The following NRXN1 variants were observed in gnomAD, a reference collection of about 807,000 sequenced individuals.
The protein encoded by NRXN1 is neurexin-1.
Under a neutral mutation model 150.9 loss-of-function variants are expected in NRXN1, and 39 were observed. The ratio of observed to expected loss-of-function variants is 0.26; its 90% CI spans 0.20 to 0.34. The LOEUF (loss-of-function observed/expected upper bound fraction) is 0.34. Ranked by LOEUF, NRXN1 falls within the 10% of genes least tolerant of loss-of-function variation. The probability of loss-of-function intolerance (pLI) is 1.00; values close to 1 mark genes in which losing one functional copy is unlikely to be tolerated. For synonymous variants in NRXN1, 924 were observed against 757.0 expected, an observed-to-expected ratio of 1.22 and a Z score of -3.62; for missense variants, 1,815 against 1,949.9, an observed-to-expected ratio of 0.93 and a Z score of 1.30.
At chr2:50,722,753 C>T (rs1337163568) in intron 5 of NRXN1, among the ~76,000 whole-genome samples, 1 of 152,096 alleles carries the variant, frequency 6.6e-6, no homozygotes, top group African/African-American at 2.4e-5. Flanking sequence ...TTAACAACAA[C>T]AAAAATCAAT....
At chr2:49,980,309 G>A (rs1364906781) in intron 21 of NRXN1, among the ~76,000 whole-genome samples, 1 of 152,130 alleles carries the variant, frequency 6.6e-6, no homozygotes, top group Non-Finnish European at 1.5e-5. Context: ...CCAAGAGTCT[G>A]CATTGTTAAC....
At chr2:50,819,246 C>G (rs999592637) in intron 5 of NRXN1, among the ~76,000 whole-genome samples, 1 of 152,148 alleles carries the variant, frequency 6.6e-6, no homozygotes, top group Non-Finnish European at 1.5e-5. Flanking sequence ...TTCGTTGCAG[C>G]ATTACTCGCA....
intron 17 of NRXN1, among the ~76,000 whole-genome samples, chr2:50,367,411 G>T (rs549378041): frequency 6.6e-6 from 1 of 152,098 alleles, no homozygotes; most frequent in East Asian, 1.9e-4. Context: ...ATGTGAGTAA[G>T]TGCAGCCTGC....
intron 5 of NRXN1, among the ~76,000 whole-genome samples, chr2:50,868,146 TA>T (rs1559371552): frequency 1.7e-3 from 15 of 8,870 alleles, no homozygotes; most frequent in African/African-American, 5.3e-3. Context: ...AAATATTATA[TA>T]TATATATATA....
intron 5 of NRXN1, among the ~76,000 whole-genome samples, chr2:50,877,365 A>G (rs1048435941): frequency 6.6e-6 from 1 of 151,948 alleles, no homozygotes; most frequent in African/African-American, 2.4e-5. Context: ...ATTCTAAGGT[A>G]GAAAAGATGG....
At chr2:50,600,987 G>A (rs1468878759) in intron 8 of NRXN1, among the ~76,000 whole-genome samples, 1 of 151,964 alleles carries the variant, frequency 6.6e-6, no homozygotes, top group African/African-American at 2.4e-5. Flanking sequence ...TGTTGTAGAT[G>A]CTTCTACCAA....
At chr2:50,708,566 ATTG>A (rs1694745317) in intron 5 of NRXN1, among the ~76,000 whole-genome samples, 1 of 152,156 alleles carries the variant, frequency 6.6e-6, no homozygotes, top group African/African-American at 2.4e-5. Context: ...TTGACCTTGA[ATTG>A]TTGTCCTCAA....
chr2:50,665,188 T>C (rs1407175736), intron 5 of NRXN1, among the ~76,000 whole-genome samples: 2 of 151,986 alleles, frequency 1.3e-5, no homozygotes, highest in Admixed American at 6.6e-5. Flanking sequence ...GCTAATTCCA[T>C]GTACTAGATT....
chr2:50,171,413 C>T (rs1411040264), intron 18 of NRXN1, among the ~76,000 whole-genome samples: 1 of 145,772 alleles, frequency 6.9e-6, no homozygotes, highest in Non-Finnish European at 1.5e-5. Flanking sequence ...CCTCTCAATT[C>T]ATTTTTAGGC....
Position 49,942,704 on chromosome 2 carries a change from G to A in NRXN1, c.4216+1000C>T, listed in dbSNP as rs1672215063. Among the ~76,000 whole-genome samples the A allele has an allele frequency of 3.3e-5, 5 of 151,996 alleles. No individual in the cohort carries two copies. The South Asian group carries it at 8.3e-4, about 25-fold the overall frequency. ...GGCTGACTGCAACCTCTGCCTCCAA[G>A]ATTCAAGTGATTCTCCTGCCTCAGC... On this transcript the variant is annotated intron_variant, in intron 22 of 22. Coordinates refer to ENST00000401669, the MANE Select transcript of NRXN1 (RefSeq NM_001330078.2).
intron 5 of NRXN1, among the ~76,000 whole-genome samples, chr2:50,739,751 A>T (rs1421740597): frequency 1.3e-5 from 2 of 152,212 alleles, no homozygotes; most frequent in Admixed American, 1.3e-4. Flanking sequence ...ATCACAGATT[A>T]TGTAAGTATC....
intron 2 of NRXN1, among the ~76,000 whole-genome samples, chr2:50,948,963 C>G (rs1462320315): frequency 1.3e-5 from 2 of 151,820 alleles, no homozygotes; most frequent in Non-Finnish European, 2.9e-5. Flanking sequence ...GTGGAATACA[C>G]CAAAATAAAA....
rs70948706 is a variant in NRXN1, at chr2:50,373,690, G to GGAAAGAAAGAAAGAAA, written c.3364+91736_3364+91751dup. ...AGAAAGAAAGAAAGAAAAGAAAGAA[G>GGAAAGAAAGAAAGAAA]GAAAGAAAGAAAGAAAGAAAGAGAA... On this transcript the variant is annotated intron_variant, in intron 17 of 22. Coordinates refer to ENST00000401669, the MANE Select transcript of NRXN1 (RefSeq NM_001330078.2). Among the ~76,000 whole-genome samples, 84 of 91,708 alleles carry GGAAAGAAAGAAAGAAA rather than the reference G, an allele frequency of 9.2e-4. 2 individuals carry two copies. The highest frequency in any genetic ancestry group is 3.8e-3 in the African/African-American group (78 of 20,350). The allele number at this position is 91,708 out of a possible 152,430, so 60.2% of individuals were successfully genotyped here. A position where few individuals can be genotyped will look rare whatever the true frequency, so the allele number is the denominator to read the frequency against.
At chr2:51,006,900 G>C (rs1217535572) in intron 2 of NRXN1, among the ~76,000 whole-genome samples, 2 of 151,816 alleles carry the variant, frequency 1.3e-5, no homozygotes, top group East Asian at 3.9e-4. Flanking sequence ...CCAAATCTGA[G>C]TTGCTTGTGC....
chr2:50,791,408 A>G (rs1706024265), intron 5 of NRXN1, among the ~76,000 whole-genome samples: 1 of 151,860 alleles, frequency 6.6e-6, no homozygotes, highest in Admixed American at 6.6e-5. Flanking sequence ...TCCCAGGGAG[A>G]ATAATGGTTA....
chr2:49,964,369 C>A (rs754845697), intron 21 of NRXN1, among the ~76,000 whole-genome samples: 18 of 152,026 alleles, frequency 1.2e-4, no homozygotes, highest in Non-Finnish European at 2.1e-4. Flanking sequence ...TACCTGAGGT[C>A]AGGAGTTCGA....
Position 50,858,938 on chromosome 2 carries a change from G to C in NRXN1, c.832+62931C>G, listed in dbSNP as rs556939196. 2.6e-5 allele frequency among the ~76,000 whole-genome samples: 4 copies of C among 152,020 alleles called. 1 individual carries two copies. Among genetic ancestry groups the C allele is most frequent in the African/African-American group, 7.2e-5 (3 of 41,492 alleles). On this transcript the variant is annotated intron_variant, in intron 5 of 22. Coordinates refer to ENST00000401669, the MANE Select transcript of NRXN1 (RefSeq NM_001330078.2). ...ATTGAGTGAAGTGCATTCCCTCCTT[G>C]ATAGGAAGCCCAACTGAGAGATAAA...
At chr2:50,274,321 T>C (rs917206143) in intron 17 of NRXN1, among the ~76,000 whole-genome samples, 1 of 152,134 alleles carries the variant, frequency 6.6e-6, no homozygotes, top group African/African-American at 2.4e-5. Context: ...CTGCATGTTC[T>C]CACTCTTAAG....
At chr2:50,650,928 A>G (rs1685519541) in intron 5 of NRXN1, among the ~76,000 whole-genome samples, 1 of 152,104 alleles carries the variant, frequency 6.6e-6, no homozygotes, top group Non-Finnish European at 1.5e-5. Context: ...TTTAGCTAAC[A>G]CTTTGGAATT....
Sources: allele counts gnomAD v4.1 joint callset (sites outside exome capture counted in the v4.1 genomes callset), GRCh38; gene constraint gnomAD v4.1.1; transcripts MANE v1.5; gene names NCBI Gene and HGNC (gene_info 2026-07-23, HGNC 2026-07-21).